The following EPM2A variants were observed in gnomAD, a reference collection of about 807,000 sequenced individuals.
The protein encoded by EPM2A is EPM2A glucan phosphatase, laforin.
A neutral mutation model predicts 26.5 loss-of-function variants in EPM2A; 21 were observed. That is an observed-to-expected ratio of 0.79 (90% CI 0.56 to 1.14). EPM2A has a LOEUF of 1.14. Ranked by LOEUF, EPM2A falls within the 50% of genes most tolerant of loss-of-function variation. The pLI is 0.00. For synonymous variants in EPM2A, 217 were observed against 177.6 expected (o/e 1.22, Z -1.76); for missense variants, 458 against 440.8 (o/e 1.04, Z -0.35).
At chr6:145,703,762 C>T (rs1176076901) in intron 1 of EPM2A, among the ~76,000 whole-genome samples, 2 of 152,194 alleles carry the variant, frequency 1.3e-5, no homozygotes, top group Non-Finnish European at 2.9e-5. Context: ...ATTCACCAAG[C>T]TTTACAAGTA....
intron 2 of EPM2A, among the ~76,000 whole-genome samples, chr6:145,561,717 T>A (rs890053009): frequency 6.6e-6 from 1 of 152,154 alleles, no homozygotes; most frequent in Non-Finnish European, 1.5e-5. Flanking sequence ...ATAAATCAAT[T>A]GTGAGGGCAG....
chr6:145,660,594 G>C (rs1390650693), intron 2 of EPM2A, among the ~76,000 whole-genome samples: 3 of 152,142 alleles, frequency 2.0e-5, no homozygotes, highest in Admixed American at 1.3e-4. Flanking sequence ...CTGAGGTCAG[G>C]AATTCGAGAC....
chr6:145,690,500 G>C (rs558058440), intron 1 of EPM2A, among the ~76,000 whole-genome samples: 1 of 122,722 alleles, frequency 8.1e-6, no homozygotes, highest in South Asian at 2.7e-4. Context: ...CTGGGCGACA[G>C]AGCGAGACTC....
At chr6:145,410,542 C>T (rs1778630179) in intron 4 of EPM2A, among the ~76,000 whole-genome samples, 1 of 152,206 alleles carries the variant, frequency 6.6e-6, no homozygotes, top group Admixed American at 6.5e-5. Flanking sequence ...AGTAAAGTTA[C>T]TGCTGGAAGT....
chr6:145,672,035 T>G (rs1283564870), intron 2 of EPM2A, among the ~76,000 whole-genome samples: 1 of 152,230 alleles, frequency 6.6e-6, no homozygotes, highest in East Asian at 1.9e-4. Context: ...TCCATTCTTT[T>G]GCATGAAAAA....
intron 2 of EPM2A, among the ~76,000 whole-genome samples, chr6:145,566,632 A>C (rs1050755373): frequency 6.6e-6 from 1 of 152,242 alleles, no homozygotes; most frequent in Non-Finnish European, 1.5e-5. Flanking sequence ...GCATAAGCTT[A>C]AGAGAGCAAA....
At chr6:145,576,236 C>A (rs1203085101) in intron 2 of EPM2A, among the ~76,000 whole-genome samples, 1 of 152,160 alleles carries the variant, frequency 6.6e-6, no homozygotes, top group African/African-American at 2.4e-5. Context: ...AGAACCAATG[C>A]TACATGGGGA....
At chr6:145,531,414 T>C (rs988447721) in intron 2 of EPM2A, among the ~76,000 whole-genome samples, 1 of 152,196 alleles carries the variant, frequency 6.6e-6, no homozygotes, top group Non-Finnish European at 1.5e-5. Flanking sequence ...GCAACACTAT[T>C]GGCACAAGCT....
chr6:145,722,502 A>G (rs566507032), intron 1 of EPM2A, among the ~76,000 whole-genome samples: 108 of 152,322 alleles, frequency 7.1e-4, no homozygotes, highest in African/African-American at 2.5e-3. Context: ...TCTATATGGG[A>G]TATTAAAATT....
chr6:145,710,133 A>G (rs543661122), intron 1 of EPM2A, among the ~76,000 whole-genome samples: 2 of 152,088 alleles, frequency 1.3e-5, no homozygotes, highest in East Asian at 3.9e-4. Context: ...TAATTAAACT[A>G]AAGAGCTTCT....
At chr6:145,419,815 A>G (rs1778758964) in intron 4 of EPM2A, among the ~76,000 whole-genome samples, 1 of 152,182 alleles carries the variant, frequency 6.6e-6, no homozygotes, top group African/African-American at 2.4e-5. Context: ...TTTACTAATA[A>G]TTAATGAAAT....
intron 2 of EPM2A, among the ~76,000 whole-genome samples, chr6:145,562,997 T>A (rs866126989): frequency 1.3e-5 from 2 of 151,368 alleles, no homozygotes; most frequent in Middle Eastern, 6.8e-3. Context: ...CACACAGGCA[T>A]TGAGAGGGTT....
intron 4 of EPM2A, among the ~76,000 whole-genome samples, chr6:145,481,939 G>T (rs1343034307): frequency 1.3e-5 from 2 of 152,056 alleles, no homozygotes; most frequent in African/African-American, 4.8e-5. Flanking sequence ...CCAAACCATG[G>T]TCATTCACTA....
chr6:145,387,883 A>C (rs1778284291), intron 4 of EPM2A, among the ~76,000 whole-genome samples: 1 of 151,990 alleles, frequency 6.6e-6, no homozygotes, highest in Admixed American at 6.6e-5. Context: ...AGACTGTGAT[A>C]GATGCGGGAA....
chr6:145,544,622 A>G (rs776377641), intron 2 of EPM2A, among the ~76,000 whole-genome samples: 2 of 152,152 alleles, frequency 1.3e-5, no homozygotes, highest in Non-Finnish European at 2.9e-5. Flanking sequence ...TCTTCCTAAT[A>G]AAAGTGATAG....
At chr6:145,604,717 T>C (rs1045054148) in intron 2 of EPM2A, among the ~76,000 whole-genome samples, 2 of 152,102 alleles carry the variant, frequency 1.3e-5, no homozygotes, top group African/African-American at 2.4e-5. Flanking sequence ...ATAAATCAAA[T>C]AGTTAATCGG....
intron 2 of EPM2A, among the ~76,000 whole-genome samples, chr6:145,610,120 C>A (rs1369149983): frequency 6.6e-6 from 1 of 151,352 alleles, no homozygotes; most frequent in Non-Finnish European, 1.5e-5. Flanking sequence ...GAGGCTGAGG[C>A]AGAGAACTGC....
chr6:145,597,190 G>A (rs888526294), intron 2 of EPM2A, among the ~76,000 whole-genome samples: 8 of 152,030 alleles, frequency 5.3e-5, no homozygotes, highest in African/African-American at 1.2e-4. Context: ...CACCGCGCCC[G>A]GCCTCTCCGA....
chr6:145,521,633 C>T (rs751163555), intron 2 of EPM2A, among the ~76,000 whole-genome samples: 15 of 152,036 alleles, frequency 9.9e-5, no homozygotes, highest in Non-Finnish European at 2.1e-4. Flanking sequence ...GATTGTGAGC[C>T]CTGAAGGGGC....
Sources: gnomAD v4.1 joint callset for allele counts (sites outside exome capture counted in the v4.1 genomes callset) on GRCh38, gnomAD v4.1.1 for gene constraint, MANE v1.5 for transcripts, NCBI Gene and HGNC (gene_info 2026-07-23, HGNC 2026-07-21) for gene names.